DAB1: variants seen among roughly 807,000 people sequenced by gnomAD.
The protein encoded by DAB1 is disabled homolog 1.
In DAB1, 15 loss-of-function variants were observed where a neutral mutation model predicts 64.6. That is an observed-to-expected ratio of 0.23 (90% CI 0.16 to 0.36). The LOEUF is 0.36. DAB1 is among the 10% of genes least tolerant of loss of function. The probability of loss-of-function intolerance (pLI) is 1.00; values close to 1 mark genes in which losing one functional copy is unlikely to be tolerated. For synonymous variants in DAB1, 235 were observed against 251.9 expected (o/e 0.93, Z 0.64); for missense variants, 596 against 706.7 (o/e 0.84, Z 1.78).
At chr1:57,202,739 C>T (rs1159608394) in intron 2 of DAB1, among the ~76,000 whole-genome samples, 1 of 152,202 alleles carries the variant, frequency 6.6e-6, no homozygotes, top group Non-Finnish European at 1.5e-5. Context: ...AGTTATCACA[C>T]TGGTACCAAT....
chr1:57,267,333 C>T (rs1027440413), intron 2 of DAB1, among the ~76,000 whole-genome samples: 1 of 152,026 alleles, frequency 6.6e-6, no homozygotes, highest in Non-Finnish European at 1.5e-5. Flanking sequence ...TGAGAAAGTA[C>T]ATTTCTGTTA....
At chr1:57,983,974 G>A (rs568823727) in intron 5 of DAB1, among the ~76,000 whole-genome samples, 40 of 151,906 alleles carry the variant, frequency 2.6e-4, no homozygotes, top group South Asian at 1.0e-3. Flanking sequence ...ACATACACAC[G>A]CGCACATGCA....
intron 3 of DAB1, among the ~76,000 whole-genome samples, chr1:58,352,849 C>A (rs1231850645): frequency 6.6e-6 from 1 of 152,162 alleles, no homozygotes; most frequent in Non-Finnish European, 1.5e-5. Flanking sequence ...CCCTCTCCTT[C>A]TGTCATGTAA....
chr1:58,315,169 A>G (rs1343030337), intron 4 of DAB1, among the ~76,000 whole-genome samples: 2 of 152,240 alleles, frequency 1.3e-5, no homozygotes, highest in Admixed American at 1.3e-4. Context: ...TGTGACCAGT[A>G]GCCTTGTCTC....
At chr1:58,492,368 A>G (rs1485113170) in intron 3 of DAB1, among the ~76,000 whole-genome samples, 1 of 152,190 alleles carries the variant, frequency 6.6e-6, no homozygotes, top group African/African-American at 2.4e-5. Flanking sequence ...GAGAAGCAAG[A>G]GCAAACACAT....
intron 7 of DAB1, among the ~76,000 whole-genome samples, chr1:57,635,329 T>G (rs1646039070): frequency 6.6e-6 from 1 of 152,132 alleles, no homozygotes; most frequent in African/African-American, 2.4e-5. Context: ...CTGAGCCGCA[T>G]AGTAGGAGGT....
chr1:58,382,588 C>T (rs926930588), intron 3 of DAB1, among the ~76,000 whole-genome samples: 1 of 152,088 alleles, frequency 6.6e-6, no homozygotes, highest in Admixed American at 6.6e-5. Flanking sequence ...GAATATTCCT[C>T]AAAATACTGT....
At chr1:57,031,184 T>C (rs1646955667) in intron 9 of DAB1, among the ~76,000 whole-genome samples, 2 of 152,220 alleles carry the variant, frequency 1.3e-5, no homozygotes, top group African/African-American at 4.8e-5. Context: ...TGGTTTGCTG[T>C]TTAAATAGAA....
At chr1:58,394,968 G>A (rs1644506712) in intron 3 of DAB1, among the ~76,000 whole-genome samples, 1 of 150,698 alleles carries the variant, frequency 6.6e-6, no homozygotes. Flanking sequence ...TATATACAAG[G>A]TATAGAGGAA....
chr1:57,856,545 C>A (rs1653765239), intron 1 of DAB1, among the ~76,000 whole-genome samples: 1 of 152,018 alleles, frequency 6.6e-6, no homozygotes. Context: ...AGCAGGTCAC[C>A]TTAGGTCAGG....
chr1:57,200,506 G>T (rs1201600289), intron 2 of DAB1, among the ~76,000 whole-genome samples: 2 of 152,184 alleles, frequency 1.3e-5, no homozygotes, highest in Non-Finnish European at 2.9e-5. Flanking sequence ...GAGAGCCAGG[G>T]TTCAAATCTG....
At chr1:57,556,335 T>C (rs1644987891) in intron 7 of DAB1, among the ~76,000 whole-genome samples, 1 of 152,218 alleles carries the variant, frequency 6.6e-6, no homozygotes, top group Non-Finnish European at 1.5e-5. Flanking sequence ...CTACTTTTAG[T>C]TCTTTAAGGA....
At chr1:58,202,285 C>T (rs1023689731) in intron 4 of DAB1, among the ~76,000 whole-genome samples, 1 of 152,090 alleles carries the variant, frequency 6.6e-6, no homozygotes, top group African/African-American at 2.4e-5. Context: ...ATCAGTTGTC[C>T]CTTCTTAAAT....
chr1:57,839,241 G>C (rs1211429647), intron 1 of DAB1, among the ~76,000 whole-genome samples: 1 of 152,134 alleles, frequency 6.6e-6, no homozygotes, highest in Non-Finnish European at 1.5e-5. Flanking sequence ...GAGTGACTCA[G>C]GCCTCAGACT....
chr1:58,036,352 C>T (rs1057498486), intron 5 of DAB1, among the ~76,000 whole-genome samples: 4 of 152,110 alleles, frequency 2.6e-5, no homozygotes, highest in East Asian at 1.9e-4. Context: ...GCCCAGGGCC[C>T]GTGGGTTCTG....
At chr1:58,293,509 T>A (rs1661896298) in intron 4 of DAB1, among the ~76,000 whole-genome samples, 1 of 152,094 alleles carries the variant, frequency 6.6e-6, no homozygotes, top group African/African-American at 2.4e-5. Context: ...CAGTAGAGTA[T>A]AAATAAAGCC....
chr1:57,719,957 C>G (rs972157236), intron 6 of DAB1, among the ~76,000 whole-genome samples: 1 of 152,148 alleles, frequency 6.6e-6, no homozygotes, highest in African/African-American at 2.4e-5. Context: ...CTATGTGACC[C>G]TGGCCAAATT....
At chr1:57,073,391 A>G (rs550750602) in intron 4 of DAB1, among the ~76,000 whole-genome samples, 1 of 152,288 alleles carries the variant, frequency 6.6e-6, no homozygotes, top group South Asian at 2.1e-4. Context: ...TAATTTGAAA[A>G]TCTTTTATAA....
At chr1:58,027,221 C>G (rs1055183078) in intron 5 of DAB1, among the ~76,000 whole-genome samples, 2 of 152,032 alleles carry the variant, frequency 1.3e-5, no homozygotes, top group African/African-American at 4.8e-5. Context: ...TTTATAAAAG[C>G]AAAGTGGATT....
Sources: allele counts gnomAD v4.1 joint callset (sites outside exome capture counted in the v4.1 genomes callset), GRCh38; gene constraint gnomAD v4.1.1; transcripts MANE v1.5; gene names NCBI Gene and HGNC (gene_info 2026-07-23, HGNC 2026-07-21).